The following JMJD1C variants were observed in gnomAD, a reference collection of about 807,000 sequenced individuals.
JMJD1C encodes the protein jumonji domain-containing protein 1C.
A neutral mutation model predicts 245.3 loss-of-function variants in JMJD1C; 31 were observed. That is an observed-to-expected ratio of 0.13 (90% CI 0.09 to 0.17). The LOEUF is 0.17. JMJD1C is among the 10% of genes least tolerant of loss of function. The probability of loss-of-function intolerance (pLI) is 1.00; values close to 1 mark genes in which losing one functional copy is unlikely to be tolerated. For missense variants in JMJD1C, 2,691 were observed against 3,000.2 expected (o/e 0.90, Z 2.41); for synonymous variants, 1,057 against 1,017.4 (o/e 1.04, Z -0.74).
At chr10:63,290,283 T>C (rs1005454633) in intron 2 of JMJD1C, among the ~76,000 whole-genome samples, 2 of 152,130 alleles carry the variant, frequency 1.3e-5, no homozygotes, top group Admixed American at 6.6e-5. Flanking sequence ...TAAAAGTAAA[T>C]GGTGGCCAGG....
At position 63,214,988 on chromosome 10, in the gene JMJD1C, T is replaced by C. The variant is rs1469083263; in HGVS notation, c.1179A>G (p.Ser393=). The part of the protein sequence containing the change: ...NSNKRIIDNS[S]EQKPENELKN... Reference sequence around the variant, plus strand: ...TCAATTCATTCTCTGGCTTCTGTTCTGAGGAATTATCTATTATTCTCTTAT... The same window carrying C: ...TCAATTCATTCTCTGGCTTCTGTTCCGAGGAATTATCTATTATTCTCTTAT... The change falls in exon 8 of 26, where the codon TCA becomes TCG. Residue 393 remains serine, a synonymous_variant. Transcript: ENST00000399262. 1.2e-6 allele frequency: 2 copies of C among 1,600,758 alleles called. No homozygotes were observed. Among genetic ancestry groups the C allele is most frequent in the African/African-American group, 2.7e-5 (2 of 74,240 alleles).
At chr10:63,326,429 G>T (rs113112594) in intron 2 of JMJD1C, among the ~76,000 whole-genome samples, 2,039 of 142,842 alleles carry the variant, frequency 0.014, 40 homozygotes, top group African/African-American at 0.042. Flanking sequence ...AATAAATAAA[G>T]ATAATAAAAT....
chr10:63,273,501 C>T (rs950480738), intron 2 of JMJD1C, among the ~76,000 whole-genome samples: 2 of 152,208 alleles, frequency 1.3e-5, no homozygotes, highest in African/African-American at 4.8e-5. Flanking sequence ...CTTCAAGTCT[C>T]CTTAATGCAC....
At chr10:63,504,085 GT>G (rs1168515751) in intron 1 of JMJD1C, among the ~76,000 whole-genome samples, 1 of 152,118 alleles carries the variant, frequency 6.6e-6, no homozygotes, top group East Asian at 1.9e-4. Context: ...TACATAAAAT[GT>G]TATGGGTGCC....
intron 1 of JMJD1C, chr10:63,427,960 A>G: frequency 1.4e-6 from 1 of 703,018 alleles, no homozygotes; most frequent in East Asian, 2.7e-5. Context: ...TGGCCAGCTC[A>G]TTGCCACCAC....
chr10:63,480,253 T>C (rs1184859113), intron 1 of JMJD1C, among the ~76,000 whole-genome samples: 1 of 152,008 alleles, frequency 6.6e-6, no homozygotes, highest in East Asian at 1.9e-4. Context: ...TGCAACCCTG[T>C]GCGGGTCTCC....
In JMJD1C at chr10:63,190,924, G is replaced by A. The variant is rs373312818; in HGVS notation, c.6261C>T (p.Ala2087=). The A allele has an allele frequency of 1.2e-6, 2 of 1,614,038 alleles. No individual in the cohort carries two copies. Among genetic ancestry groups the A allele is most frequent in the Non-Finnish European group, 1.7e-6 (2 of 1,179,908 alleles). Residue 2087 remains alanine, a synonymous_variant, in exon 17 of 26, where the codon GCC becomes GCT. Coordinates refer to ENST00000399262, the MANE Select transcript of JMJD1C (RefSeq NM_032776.3). ...LRVGSTDAGI[A]FAPVYSMGAP... is the part of the protein sequence containing the mutation. Reference sequence around the variant, plus strand: ...CTCCCATTGAATATACTGGGGCAAAGGCAATGCCAGCATCTGTAGACCCCA... The same window carrying A: ...CTCCCATTGAATATACTGGGGCAAAAGCAATGCCAGCATCTGTAGACCCCA...
chr10:63,467,852 G>A (rs1416657966), upstream of JMJD1C, among the ~76,000 whole-genome samples: 2 of 152,194 alleles, frequency 1.3e-5, no homozygotes, highest in Admixed American at 1.3e-4. Flanking sequence ...ATGCAAAAAT[G>A]CCTGAATCCT....
intron 3 of JMJD1C, among the ~76,000 whole-genome samples, chr10:63,228,034 C>T (rs763372732): frequency 6.6e-6 from 1 of 152,166 alleles, no homozygotes; most frequent in Admixed American, 6.5e-5. Context: ...GCTGTCTATA[C>T]CACCTGCAGT....
chr10:63,257,784 G>C (rs566555114), intron 3 of JMJD1C, among the ~76,000 whole-genome samples: 7 of 152,222 alleles, frequency 4.6e-5, no homozygotes, highest in African/African-American at 1.7e-4. Flanking sequence ...TAAAATAATA[G>C]TTTAAGAAGT....
At position 63,215,471 on chromosome 10, in the gene JMJD1C, T is replaced by A; in HGVS notation, c.823-16A>T. On this transcript the variant is annotated splice_polypyrimidine_tract_variant and intron_variant, in intron 6 of 25. Transcript: ENST00000399262. ...TATAATGGCTCTAAAAATAACCAAT[T>A]AACAGTAATTGTTTACTACCTGGTT... 6.2e-7 allele frequency: 1 copy of A among 1,613,740 alleles called. No homozygotes were observed. Among genetic ancestry groups the A allele is most frequent in the East Asian group, 2.2e-5 (1 of 44,882 alleles).
intron 2 of JMJD1C, among the ~76,000 whole-genome samples, chr10:63,341,293 G>A (rs1466814624): frequency 6.6e-6 from 1 of 152,162 alleles, no homozygotes; most frequent in African/African-American, 2.4e-5. Context: ...ATTTGCCAAG[G>A]TCATTGCTTA....
At chr10:63,387,628 A>ATTTTTTTTTTTTTT (rs1564863555) in intron 1 of JMJD1C, among the ~76,000 whole-genome samples, 11 of 18,526 alleles carry the variant, frequency 5.9e-4, no homozygotes, top group African/African-American at 1.0e-3. Flanking sequence ...AGAAAAAAAA[A>ATTTTTTTTTTTTTT]ATTTTTTTTT....
At chr10:63,351,757 C>A (rs1337682905) in intron 2 of JMJD1C, among the ~76,000 whole-genome samples, 2 of 152,128 alleles carry the variant, frequency 1.3e-5, no homozygotes, top group African/African-American at 4.8e-5. Context: ...TTTACCTTCA[C>A]AGGTCTGCAA....
intron 1 of JMJD1C, among the ~76,000 whole-genome samples, chr10:63,417,690 T>C (rs1949885508): frequency 6.6e-6 from 1 of 152,188 alleles, no homozygotes; most frequent in Non-Finnish European, 1.5e-5. Context: ...TGCTATATTC[T>C]ACAGAAGTTC....
intron 10 of JMJD1C, chr10:63,204,439 A>G (rs1245249939): frequency 2.0e-6 from 2 of 985,176 alleles, no homozygotes; most frequent in African/African-American, 3.5e-5. Context: ...AATTTCATAA[A>G]TTTAACTTCA....
chr10:63,228,797 A>C (rs1849616717), intron 3 of JMJD1C, among the ~76,000 whole-genome samples: 1 of 152,222 alleles, frequency 6.6e-6, no homozygotes, highest in Non-Finnish European at 1.5e-5. Context: ...CAGTAAAGAC[A>C]AAAATATCTT....
intron 23 of JMJD1C, chr10:63,177,259 G>C (rs1589056910): frequency 6.2e-6 from 1 of 160,876 alleles, no homozygotes; most frequent in African/African-American, 2.4e-5. Context: ...CTCAAAATCT[G>C]AGTCTACTCA....
chr10:63,417,848 T>C (rs1949892651), intron 1 of JMJD1C, among the ~76,000 whole-genome samples: 1 of 152,202 alleles, frequency 6.6e-6, no homozygotes, highest in East Asian at 1.9e-4. Flanking sequence ...AGCCAGTTAT[T>C]GTCAACAATT....
Sources: gnomAD v4.1 joint callset for allele counts (sites outside exome capture counted in the v4.1 genomes callset) on GRCh38, gnomAD v4.1.1 for gene constraint, MANE v1.5 for transcripts, NCBI Gene and HGNC (gene_info 2026-07-23, HGNC 2026-07-21) for gene names.